Variants in CPSF1 observed in about 807,000 individuals in gnomAD.
CPSF1 encodes cleavage and polyadenylation specificity factor subunit 1.
A neutral mutation model predicts 175.8 loss-of-function variants in CPSF1; 106 were observed. That is an observed-to-expected ratio of 0.60 (90% CI 0.52 to 0.71). The LOEUF (loss-of-function observed/expected upper bound fraction) is 0.71. Among genes scored for constraint, CPSF1 ranks in the 30% least tolerant of loss-of-function variants. The pLI is 0.00. For missense variants in CPSF1, 1,734 were observed against 2,022.9 expected (o/e 0.86, Z 2.74); for synonymous variants, 1,024 against 858.3 (o/e 1.19, Z -3.37).
chr8:144,406,510 A>G (rs1821505780), intron 2 of CPSF1, among the ~76,000 whole-genome samples: 1 of 152,082 alleles, frequency 6.6e-6, no homozygotes, highest in East Asian at 1.9e-4. Context: ...CAATCTCTCA[A>G]TGTTGGGGTG....
chr8:144,395,668 G>A, intron 26 of CPSF1, 117 bp from the exon 27 acceptor site: 1 of 818,912 alleles, frequency 1.2e-6, no homozygotes, highest in South Asian at 1.6e-5. Flanking sequence ...GCAGGGGTGG[G>A]TGAGGGGCAG....
At chr8:144,402,618 C>T (rs1554867717) in intron 2 of CPSF1, among the ~76,000 whole-genome samples, 1 of 152,164 alleles carries the variant, frequency 6.6e-6, no homozygotes, top group Non-Finnish European at 1.5e-5. Context: ...TCACGATGGA[C>T]TTGTGCTATG....
chr8:144,396,299 C>T, intron 26 of CPSF1, 49 bp downstream of exon 26: 1 of 1,543,600 alleles, frequency 6.5e-7, no homozygotes, highest in African/African-American at 1.4e-5. Context: ...CCTCAGCCCC[C>T]AGCTGGGGCA....
At chr8:144,403,256 C>T (rs1413475813) in intron 2 of CPSF1, among the ~76,000 whole-genome samples, 1 of 151,862 alleles carries the variant, frequency 6.6e-6, no homozygotes, top group Non-Finnish European at 1.5e-5. Flanking sequence ...ACCACCACGT[C>T]CAGCTAATTT....
chr8:144,393,545 G>A lies in CPSF1; in HGVS notation c.4191C>T (p.Asn1397=), dbSNP rs1185132718. 2.4e-5 allele frequency: 38 copies of A among 1,602,728 alleles called. No homozygotes were observed. The highest frequency in any genetic ancestry group is 3.1e-5 in the Non-Finnish European group (36 of 1,176,520). The change falls in exon 37 of 38, where the codon AAC becomes AAT. Residue 1397 remains asparagine, a synonymous_variant. Coordinates refer to ENST00000616140, the MANE Select transcript of CPSF1 (RefSeq NM_013291.3). The part of the protein sequence containing the change: ...DRRTLQNAVR[N]VLDGELLNRY... ...GGTTGAGCAGCTCCCCATCCAGCAC[G>A]TTGCGCACGGCATTCTGGAGGGTGC...
chr8:144,407,247 A>C, intron 2 of CPSF1, among the ~76,000 whole-genome samples: 1 of 135,918 alleles, frequency 7.4e-6, no homozygotes, highest in Admixed American at 7.5e-5. Flanking sequence ...ATAGGGTCTC[A>C]CTCTGTTGTC....
intron 7 of CPSF1, 82 bp downstream of exon 7, chr8:144,400,589 C>T (rs2116876470): frequency 1.8e-5 from 29 of 1,600,468 alleles, no homozygotes; most frequent in Admixed American, 1.2e-4. Context: ...CCATAGGCCC[C>T]GCCCTAAACC....
chr8:144,403,060 G>A (rs2116893365), intron 2 of CPSF1, among the ~76,000 whole-genome samples: 6 of 151,702 alleles, frequency 4.0e-5, no homozygotes, highest in African/African-American at 1.2e-4. Context: ...AAAGGCATTC[G>A]TGATAAAAAC....
At chr8:144,406,538 T>G (rs1223430880) in intron 2 of CPSF1, among the ~76,000 whole-genome samples, 2 of 152,240 alleles carry the variant, frequency 1.3e-5, no homozygotes, top group African/African-American at 4.8e-5. Flanking sequence ...ACCCTGTCTT[T>G]GTCTATATTC....
At position 144,396,458 on chromosome 8, in the gene CPSF1, C is replaced by A; in HGVS notation, c.2869G>T (p.Gly957Cys). The A allele has an allele frequency of 6.2e-7, 1 of 1,602,900 alleles. No homozygotes were observed. Among genetic ancestry groups the A allele is most frequent in the Non-Finnish European group, 8.5e-7 (1 of 1,175,844 alleles). Residue 957 changes from glycine to cysteine, a missense_variant, in exon 26 of 38, where the codon GGC becomes TGC. Transcript: ENST00000616140. ...GGGTGTAGCCGCAGAGCCCCTCGGC[C>A]GGTCACCAAGAGCCAGTGAGGGGAG... The part of the protein sequence containing the change: ...GPSPHWLLVT[G>C]RGALRLHPMA...
intron 2 of CPSF1, among the ~76,000 whole-genome samples, chr8:144,403,077 T>A (rs1554867865): frequency 6.7e-6 from 1 of 148,262 alleles, no homozygotes; most frequent in Admixed American, 6.9e-5. Context: ...AAACTCCTAG[T>A]AAAGCAAAAA....
Position 144,396,945 on chromosome 8 carries a change from G to C in CPSF1, c.2593-16C>G. On this transcript the variant is annotated splice_polypyrimidine_tract_variant and intron_variant, in intron 23 of 37. Coordinates refer to ENST00000616140, the MANE Select transcript of CPSF1 (RefSeq NM_013291.3). ...CCACATGCACCTGGCAGGATGAGGG[G>C]AGCCATGGGGGAACGGGCAGGGCCA... 1 of 1,589,748 alleles carries C rather than the reference G, an allele frequency of 6.3e-7. No homozygotes were observed. The highest frequency in any genetic ancestry group is 1.7e-5 in the Admixed American group (1 of 59,408).
chr8:144,399,829 G>A lies in CPSF1; in HGVS notation c.1071C>T (p.Val357=). 1 of 1,556,476 alleles carries A rather than the reference G, an allele frequency of 6.4e-7. No homozygotes were observed. The highest frequency in any genetic ancestry group is 8.7e-7 in the Non-Finnish European group (1 of 1,150,460). Reference sequence around the variant, plus strand: ...CCGCCTTGTCAAAGTGGAACGCTCGGACACTGCGCATGCCGTCGGTGATGA... The same window carrying A: ...CCGCCTTGTCAAAGTGGAACGCTCGAACACTGCGCATGCCGTCGGTGATGA... ...LTLITDGMRS[V]RAFHFDKAAA... The change falls in exon 11 of 38, where the codon GTC becomes GTT. Residue 357 remains valine (V), a synonymous_variant. Transcript: ENST00000616140. The surrounding 1 kb of genome is among the most constrained non-coding windows in gnomAD (Gnocchi z 6.4).
Position 144,398,627 on chromosome 8 carries a change from G to C in CPSF1, c.1650C>G (p.Pro550=). Residue 550 remains proline (P), a synonymous_variant, in exon 18 of 38, where the codon CCC becomes CCG. Transcript: ENST00000616140. ...APVRKEEEDN[P]KGEGTEQEPS... The stretch of plus-strand genomic sequence containing the variant: ...GTTCCTGCTCTGTGCCCTCCCCCTT[G>C]GGATTGTCCTCCTGTCAGGGCCAAA... The C allele has an allele frequency of 6.2e-7, 1 of 1,613,860 alleles. No individual in the cohort carries two copies.
At chr8:144,398,755 TC>T in intron 17 of CPSF1, 23 bp downstream of exon 17, 1 of 1,589,782 alleles carries the variant, frequency 6.3e-7, no homozygotes, top group Non-Finnish European at 8.6e-7. Context: ...TCCCAGGGCC[TC>T]CCTGCAGCAG....
rs1169662833 is a variant in CPSF1 at position 144,400,035 on chromosome 8, T to C, written c.988A>G (p.Ile330Val). ...GAGATGACCATCTTGTCGTAGGAGA[T>C]GAAGGTGGCCTGGGCGCAGTCCAGG... ...ITLDCAQATFISYDKMVISLK... is the reference protein window; with the variant it reads ...ITLDCAQATFVSYDKMVISLK... Residue 330 changes from isoleucine to valine, a missense_variant, in exon 10 of 38, where the codon ATC becomes GTC. Physicochemically the swap from Ile to Val is conservative, Grantham distance 29. Transcript: ENST00000616140. The C allele has an allele frequency of 1.2e-6, 2 of 1,609,246 alleles. No homozygotes were observed. The highest frequency in any genetic ancestry group is 2.2e-5 in the East Asian group (1 of 44,728).
rs1463989514 is a variant in CPSF1, at chr8:144,396,709, C to T, written c.2715G>A (p.Lys905=). 1 of 1,613,938 alleles carries T rather than the reference C, an allele frequency of 6.2e-7. No homozygotes were observed. Among genetic ancestry groups the T allele is most frequent in the Non-Finnish European group, 8.5e-7 (1 of 1,180,010 alleles). ...VPHNINFREK[K]PKPSKKKAEG... Reference sequence around the variant, plus strand: ...CTGCTTTCTTCTTGGATGGCTTTGGCTTCTTCTCACGGAAGTTGATGTTGT... The same window carrying T: ...CTGCTTTCTTCTTGGATGGCTTTGGTTTCTTCTCACGGAAGTTGATGTTGT... The change falls in exon 25 of 38, where the codon AAG becomes AAA. Residue 905 remains lysine (K), a synonymous_variant. Transcript: ENST00000616140.
Position 144,397,978 on chromosome 8 carries a change from C to T in CPSF1, c.2049G>A (p.Ala683=), listed in dbSNP as rs374676393. 1.7e-5 allele frequency: 28 copies of T among 1,609,894 alleles called. No homozygotes were observed. The highest frequency in any genetic ancestry group is 6.6e-5 in the South Asian group (6 of 90,892). ...DSYGGRHHRL[A]LHKPPLHHQS... is the part of the protein sequence containing the mutation. ...CATGGTGCAGCGGGGGCTTGTGCAG[C>T]GCCAGGCGGTGGTGGCGGCCACCGT... is the stretch of plus-strand genomic sequence containing the variant. Residue 683 remains alanine, a synonymous_variant, in exon 20 of 38, where the codon GCG becomes GCA. Coordinates refer to ENST00000616140, the MANE Select transcript of CPSF1 (RefSeq NM_013291.3).
intron 35 of CPSF1, 29 bp from the exon 36 acceptor site, chr8:144,393,825 G>T: frequency 6.2e-7 from 1 of 1,601,132 alleles, no homozygotes. Flanking sequence ...GGGTTTTGGT[G>T]TGAGCCAGGC....
Sources: gnomAD v4.1 joint callset for allele counts (sites outside exome capture counted in the v4.1 genomes callset) on GRCh38, gnomAD v4.1.1 for gene constraint, Gnocchi (gnomAD v3.1) non-coding constraint, MANE v1.5 for transcripts, NCBI Gene and HGNC (gene_info 2026-07-23, HGNC 2026-07-21) for gene names.